Variants in VGLL4 observed in about 807,000 individuals in gnomAD.
VGLL4 encodes the protein transcription cofactor vestigial-like protein 4.
A neutral mutation model predicts 21.0 loss-of-function variants in VGLL4; 7 were observed. That is an observed-to-expected ratio of 0.33 (90% CI 0.19 to 0.63). The LOEUF is 0.63. Among genes scored for constraint, VGLL4 ranks in the 20% least tolerant of loss-of-function variants. VGLL4 has a pLI of 0.78. For missense variants in VGLL4, 394 were observed against 425.7 expected, an observed-to-expected ratio of 0.93 and a Z score of 0.66; for synonymous variants, 222 against 173.2, an observed-to-expected ratio of 1.28 and a Z score of -2.21.
rs1336698031 is a variant in VGLL4, at chr3:11,586,960, C to T, written c.272+14873G>A. ...GAAGTTGGAGAATCCAAACTGCTTG[C>T]CCTGAATTGCACGAGACCTGCTTCT... On this transcript the variant is annotated intron_variant, in intron 2 of 4. Transcript: ENST00000430365. 1.6e-4 allele frequency among the ~76,000 whole-genome samples: 24 copies of T among 151,952 alleles called. 1 individual carries two copies. Among genetic ancestry groups the T allele is most frequent in the Non-Finnish European group, 3.5e-4 (24 of 68,034 alleles).
At chr3:11,604,273 G>GCGCCCCCACGCCCAC (rs2074880967) in intron 1 of VGLL4, 2 of 587,608 alleles carry the variant, frequency 3.4e-6, no homozygotes, top group African/African-American at 3.5e-5. Flanking sequence ...AGCACGGTTT[G>GCGCCCCCACGCCCAC]CCTCATTTGA....
intron 1 of VGLL4, among the ~76,000 whole-genome samples, chr3:11,611,040 A>G (rs1011327057): frequency 6.6e-6 from 1 of 151,640 alleles, no homozygotes; most frequent in Non-Finnish European, 1.5e-5. Context: ...AGACTCCCCA[A>G]CTTCCATCAT....
chr3:11,645,442 T>C (rs568688305), upstream of VGLL4, among the ~76,000 whole-genome samples: 300 of 141,856 alleles, frequency 2.1e-3, no homozygotes, highest in African/African-American at 7.6e-3. Flanking sequence ...TACAGAAAAT[T>C]AGCCGGGCGC....
intron 2 of VGLL4, among the ~76,000 whole-genome samples, chr3:11,690,126 T>C (rs1026550811): frequency 2.6e-5 from 3 of 113,986 alleles, no homozygotes; most frequent in Non-Finnish European, 4.7e-5. Flanking sequence ...CTGTTGGTGG[T>C]TGTTAGTCAC....
chr3:11,711,187 C>T (rs1222523049), intron 1 of VGLL4, among the ~76,000 whole-genome samples: 1 of 151,866 alleles, frequency 6.6e-6, no homozygotes, highest in Non-Finnish European at 1.5e-5. Flanking sequence ...GGCAGATTAC[C>T]TGGGCCCAGG....
intron 2 of VGLL4, among the ~76,000 whole-genome samples, chr3:11,675,062 C>A (rs1323782570): frequency 6.6e-6 from 1 of 152,254 alleles, no homozygotes; most frequent in Admixed American, 6.5e-5. Context: ...GCAACATAGG[C>A]TGGGCGCAGT....
intron 2 of VGLL4, among the ~76,000 whole-genome samples, chr3:11,662,654 G>T (rs768409398): frequency 9.9e-5 from 15 of 152,186 alleles, no homozygotes; most frequent in African/African-American, 3.6e-4. Flanking sequence ...ATGTAATACG[G>T]ATCTGGCCAA....
intron 2 of VGLL4, among the ~76,000 whole-genome samples, chr3:11,581,077 TTA>T (rs2074210014): frequency 1.3e-5 from 2 of 151,564 alleles, no homozygotes; most frequent in Non-Finnish European, 1.5e-5. Context: ...TTTTTTTTTT[TTA>T]AAAAAAAAGA....
chr3:11,712,000 C>A (rs2076853234), intron 1 of VGLL4, among the ~76,000 whole-genome samples: 2 of 152,168 alleles, frequency 1.3e-5, no homozygotes, highest in Admixed American at 6.5e-5. Context: ...TCCGGTGATG[C>A]CCCACCAACT....
At chr3:11,720,173 C>G (rs2076974883) in intron 1 of VGLL4, among the ~76,000 whole-genome samples, 1 of 152,070 alleles carries the variant, frequency 6.6e-6, no homozygotes, top group Non-Finnish European at 1.5e-5. Flanking sequence ...GCCAAGCGCC[C>G]GGAGTTCAGC....
rs1480162249 is a variant in VGLL4 at position 11,556,831 on chromosome 3, A to AAAGC, written c.*1721_*1724dup. ...CAGAAAATATAGGGGCCTGAATGCC[A>AAAGC]AAGCTTGGAAGCCCAGTACAGTGGG... is the stretch of plus-strand genomic sequence containing the variant. On this transcript the variant is annotated 3_prime_UTR_variant, in exon 5 of 5. Transcript: ENST00000430365. 5 of 152,794 alleles carry AAAGC rather than the reference A, an allele frequency of 3.3e-5. No homozygotes were observed. Among genetic ancestry groups the AAAGC allele is most frequent in the African/African-American group, 1.2e-4 (5 of 41,464 alleles). The allele number at this position is 152,794 out of a possible 1,614,324, so 9.5% of individuals were successfully genotyped here. A position where few individuals can be genotyped will look rare whatever the true frequency, so the allele number is the denominator to read the frequency against.
chr3:11,559,850 G>A (rs146620963), intron 3 of VGLL4, among the ~76,000 whole-genome samples: 49 of 152,244 alleles, frequency 3.2e-4, no homozygotes, highest in Non-Finnish European at 5.3e-4. Flanking sequence ...ACTGAGCCGC[G>A]GGTGTGCCTG....
intron 1 of VGLL4, among the ~76,000 whole-genome samples, chr3:11,617,070 A>G (rs1353353598): frequency 6.6e-6 from 1 of 152,166 alleles, no homozygotes; most frequent in African/African-American, 2.4e-5. Flanking sequence ...AAATAAAAAG[A>G]GATGCACTTT....
chr3:11,596,878 C>A (rs776457085), intron 2 of VGLL4, among the ~76,000 whole-genome samples: 1 of 152,188 alleles, frequency 6.6e-6, no homozygotes, highest in East Asian at 1.9e-4. Flanking sequence ...TCCATAGTAA[C>A]GATAACACCT....
At chr3:11,686,839 G>A (rs976936505) in intron 2 of VGLL4, among the ~76,000 whole-genome samples, 2 of 152,062 alleles carry the variant, frequency 1.3e-5, no homozygotes, top group Non-Finnish European at 2.9e-5. Context: ...CAATCCATTG[G>A]TGGTTCCTAA....
At position 11,556,218 on chromosome 3, in the gene VGLL4, G is replaced by C. The variant is rs1413242758; in HGVS notation, c.*2338C>G. 14 of 152,696 alleles carry C rather than the reference G, an allele frequency of 9.2e-5. No individual in the cohort carries two copies. The highest frequency in any genetic ancestry group is 3.1e-4 in the African/African-American group (13 of 41,538). 9.5% of individuals were successfully genotyped at this position (152,696 alleles called of 1,614,324 possible). A position where few individuals can be genotyped will look rare whatever the true frequency, so the allele number is the denominator to read the frequency against. On this transcript the variant is annotated 3_prime_UTR_variant, in exon 5 of 5. Coordinates refer to ENST00000430365, the MANE Select transcript of VGLL4 (RefSeq NM_001128219.3). ...TTACACACATGAAGAGAAGGTCAGA[G>C]CGCACTGCAGGCAGCGCGGCTCTGG...
At chr3:11,652,323 T>A (rs1198383908) in intron 2 of VGLL4, among the ~76,000 whole-genome samples, 1 of 152,196 alleles carries the variant, frequency 6.6e-6, no homozygotes, top group Non-Finnish European at 1.5e-5. Context: ...AAATACAAAA[T>A]CAATTAAATT....
chr3:11,617,059 AAAAT>A (rs1171794586), intron 1 of VGLL4, among the ~76,000 whole-genome samples: 1 of 152,158 alleles, frequency 6.6e-6, no homozygotes, highest in Non-Finnish European at 1.5e-5. Flanking sequence ...TTTGAAATAA[AAAAT>A]AAAAAGAGAT....
At chr3:11,610,559 T>C (rs2075041824) in intron 1 of VGLL4, 1 of 152,252 alleles carries the variant, frequency 6.6e-6, no homozygotes, top group East Asian at 1.9e-4. Context: ...TGACCTCGCC[T>C]CGGGGGAGCC....
Sources: allele counts gnomAD v4.1 joint callset (sites outside exome capture counted in the v4.1 genomes callset), GRCh38; gene constraint gnomAD v4.1.1; transcripts MANE v1.5; gene names NCBI Gene and HGNC (gene_info 2026-07-23, HGNC 2026-07-21).